WWOX: variants seen among roughly 807,000 people sequenced by gnomAD.
WWOX encodes WW domain containing oxidoreductase.
In WWOX, 69 loss-of-function variants were observed where a neutral mutation model predicts 46.2. The observed-to-expected ratio is 1.49, with a 90% CI of 1.23 to 1.82. The LOEUF (loss-of-function observed/expected upper bound fraction) is 1.82, where lower values mean the gene tolerates loss of function less well. Among genes scored for constraint, WWOX ranks in the 40% most tolerant of loss-of-function variants. WWOX has a pLI of 0.00. For synonymous variants in WWOX, 359 were observed against 202.6 expected, an observed-to-expected ratio of 1.77 and a Z score of -6.56; for missense variants, 919 against 542.6, an observed-to-expected ratio of 1.69 and a Z score of -6.89.
intron 8 of WWOX, among the ~76,000 whole-genome samples, chr16:79,201,549 G>A (rs774054965): frequency 3.9e-5 from 6 of 152,038 alleles, no homozygotes; most frequent in Admixed American, 6.5e-5. Context: ...AAGTCCCGAA[G>A]GAAACTGTCA....
At chr16:78,952,260 T>C (rs888900364) in intron 8 of WWOX, among the ~76,000 whole-genome samples, 4 of 152,186 alleles carry the variant, frequency 2.6e-5, no homozygotes, top group African/African-American at 7.2e-5. Flanking sequence ...CAGTGGTCAC[T>C]GTCTCTAGGA....
rs1238688004 is a variant in WWOX, at chr16:78,655,853, C to G, written c.1056+223101C>G. The stretch of plus-strand genomic sequence containing the variant: ...TTAGGTGATGTGGGCTTGATTTTCA[C>G]AGACCCTGTGGGCTGTCTGTGTGTG... On this transcript the variant is annotated intron_variant, in intron 8 of 8. Coordinates refer to ENST00000566780, the MANE Select transcript of WWOX (RefSeq NM_016373.4). Among the ~76,000 whole-genome samples the G allele has an allele frequency of 5.3e-5, 8 of 152,298 alleles. No homozygotes were observed. The South Asian group carries it at 8.3e-4, about 16-fold the overall frequency.
At chr16:78,124,672 T>C (rs1351937554) in intron 4 of WWOX, among the ~76,000 whole-genome samples, 2 of 152,216 alleles carry the variant, frequency 1.3e-5, no homozygotes, top group East Asian at 1.9e-4. Context: ...CAAGCCTAAC[T>C]GAATGGGGTG....
At chr16:78,543,364 G>A (rs896727972) in intron 8 of WWOX, among the ~76,000 whole-genome samples, 2 of 152,206 alleles carry the variant, frequency 1.3e-5, no homozygotes, top group African/African-American at 4.8e-5. Context: ...CCAGAGGTCT[G>A]TGCACACTAT....
chr16:78,614,452 G>A (rs1394124562), intron 8 of WWOX, among the ~76,000 whole-genome samples: 2 of 152,170 alleles, frequency 1.3e-5, no homozygotes, highest in African/African-American at 4.8e-5. Flanking sequence ...ACTCTGGCTG[G>A]GGTGAGGGCG....
rs13332836 is a variant in WWOX at position 78,586,132 on chromosome 16, G to T, written c.1056+153380G>T. 4.6e-3 allele frequency among the ~76,000 whole-genome samples: 694 copies of T among 152,176 alleles called. 7 individuals carry two copies. Among genetic ancestry groups the T allele is most frequent in the African/African-American group, 0.016 (656 of 41,524 alleles). ...AACACTTTGGGAGGCTGAGGTGGGA[G>T]GATTGTTTGAGCCCCGGAGTTCAAG... On this transcript the variant is annotated intron_variant, in intron 8 of 8. Transcript: ENST00000566780.
At chr16:78,603,112 G>T (rs140512228) in intron 8 of WWOX, among the ~76,000 whole-genome samples, 1 of 152,112 alleles carries the variant, frequency 6.6e-6, no homozygotes, top group South Asian at 2.1e-4. Flanking sequence ...TCCTTCTTGC[G>T]TTGCTCTTAA....
Position 79,044,229 on chromosome 16 carries a change from G to T in WWOX, c.1057-167379G>T, listed in dbSNP as rs185652117. 1.3e-3 allele frequency among the ~76,000 whole-genome samples: 203 copies of T among 152,306 alleles called. 2 individuals carry two copies. The highest frequency in any genetic ancestry group is 3.5e-3 in the Admixed American group (53 of 15,294). ...TCAACAAACGCTCTTCAGGGAGAAG[G>T]AAAGTTACCATCAAAATCCGTCGTT... On this transcript the variant is annotated intron_variant, in intron 8 of 8. Transcript: ENST00000566780.
intron 8 of WWOX, among the ~76,000 whole-genome samples, chr16:78,517,693 G>C (rs539111492): frequency 6.6e-6 from 1 of 152,192 alleles, no homozygotes; most frequent in Non-Finnish European, 1.5e-5. Context: ...AGGATGGAAA[G>C]GGCATGCGTT....
intron 8 of WWOX, among the ~76,000 whole-genome samples, chr16:78,686,094 A>C (rs567360130): frequency 1.3e-5 from 2 of 152,194 alleles, no homozygotes; most frequent in Non-Finnish European, 2.9e-5. Context: ...GATTGGGGAA[A>C]GACATTCATA....
intron 8 of WWOX, among the ~76,000 whole-genome samples, chr16:79,158,917 G>A (rs1442752458): frequency 6.6e-6 from 1 of 152,152 alleles, no homozygotes; most frequent in East Asian, 1.9e-4. Context: ...TCCTACAACA[G>A]TGCCCAGGAC....
At chr16:78,804,344 G>C (rs2050972356) in intron 8 of WWOX, among the ~76,000 whole-genome samples, 2 of 151,710 alleles carry the variant, frequency 1.3e-5, no homozygotes, top group African/African-American at 4.8e-5. Flanking sequence ...TTTAGACTCT[G>C]ACTTTGACTT....
chr16:78,830,854 C>A (rs368789756), intron 8 of WWOX, among the ~76,000 whole-genome samples: 1 of 152,058 alleles, frequency 6.6e-6, no homozygotes, highest in Non-Finnish European at 1.5e-5. Flanking sequence ...GTGTCCTTTT[C>A]TTTCTCCTAC....
intron 6 of WWOX, among the ~76,000 whole-genome samples, chr16:78,421,610 C>T (rs1567562539): frequency 6.6e-6 from 1 of 152,180 alleles, no homozygotes; most frequent in Admixed American, 6.5e-5. Flanking sequence ...TCACAGATTC[C>T]TACCATTCAA....
chr16:78,556,779 G>A (rs2151551328), intron 8 of WWOX, among the ~76,000 whole-genome samples: 1 of 152,184 alleles, frequency 6.6e-6, no homozygotes, highest in East Asian at 1.9e-4. Flanking sequence ...GAAGTGGCAT[G>A]ATCTCGGCTC....
chr16:78,651,464 G>C (rs2046964601), intron 8 of WWOX, among the ~76,000 whole-genome samples: 1 of 152,214 alleles, frequency 6.6e-6, no homozygotes, highest in East Asian at 1.9e-4. Context: ...GCAGGTCCCT[G>C]GAAGTGTGAG....
At chr16:78,869,768 A>C (rs1034212830) in intron 8 of WWOX, among the ~76,000 whole-genome samples, 2 of 152,224 alleles carry the variant, frequency 1.3e-5, no homozygotes, top group African/African-American at 4.8e-5. Context: ...TCTTGCTCGC[A>C]GATAGCCTCT....
intron 6 of WWOX, among the ~76,000 whole-genome samples, chr16:78,410,779 C>G (rs897801838): frequency 7.0e-6 from 1 of 141,954 alleles, no homozygotes; most frequent in African/African-American, 2.7e-5. Flanking sequence ...GCACTCCAGC[C>G]TGGGTGAAAG....
chr16:78,530,840 C>G (rs1313904041), intron 8 of WWOX, among the ~76,000 whole-genome samples: 2 of 152,166 alleles, frequency 1.3e-5, no homozygotes, highest in Admixed American at 1.3e-4. Context: ...TAATTTTTAA[C>G]ATTGATTGAG....
Sources: allele counts gnomAD v4.1 joint callset (sites outside exome capture counted in the v4.1 genomes callset), GRCh38; gene constraint gnomAD v4.1.1; transcripts MANE v1.5; gene names NCBI Gene and HGNC (gene_info 2026-07-23, HGNC 2026-07-21).